LMF1: variants seen among roughly 807,000 people sequenced by gnomAD.
The protein encoded by LMF1 is lipase maturation factor 1, also known as transmembrane protein 112.
A neutral mutation model predicts 60.6 loss-of-function variants in LMF1; 68 were observed. The ratio of observed to expected loss-of-function variants is 1.12; its 90% CI spans 0.92 to 1.37. The LOEUF is 1.37. Ranked by LOEUF, LMF1 falls within the 40% of genes most tolerant of loss-of-function variation. The pLI is 0.00. For synonymous variants in LMF1, 418 were observed against 324.7 expected (o/e 1.29, Z -3.09); for missense variants, 948 against 767.2 (o/e 1.24, Z -2.78).
chr16:921,449 C>A (rs2071428494), intron 3 of LMF1, among the ~76,000 whole-genome samples: 1 of 152,096 alleles, frequency 6.6e-6, no homozygotes, highest in Non-Finnish European at 1.5e-5. Context: ...GGCACCGGCA[C>A]AAAGCCAAAC....
At chr16:950,800 A>G (rs2072436400) in intron 2 of LMF1, among the ~76,000 whole-genome samples, 1 of 124,944 alleles carries the variant, frequency 8.0e-6, no homozygotes. Context: ...CCAATGACAG[A>G]GTCAGACGAC....
chr16:861,984 A>C (rs2069479804), intron 10 of LMF1, among the ~76,000 whole-genome samples: 1 of 152,144 alleles, frequency 6.6e-6, no homozygotes, highest in Non-Finnish European at 1.5e-5. Flanking sequence ...TTAAATCATG[A>C]ATAGATGTTA....
Position 878,805 on chromosome 16 carries a change from C to T in LMF1, c.897+765G>A, listed in dbSNP as rs2151712722. On this transcript the variant is annotated intron_variant, in intron 6 of 10. Transcript: ENST00000262301. The surrounding 1 kb of genome is among the most constrained non-coding windows in gnomAD (Gnocchi z 5.2). The stretch of plus-strand genomic sequence containing the variant: ...TGGGACACCCAGGTACATCTGTTTT[C>T]CAGAGCACGTGGAACGCCACCTGGA... Among the ~76,000 whole-genome samples the T allele has an allele frequency of 6.6e-6, 1 of 152,136 alleles. No homozygotes were observed. The highest frequency in any genetic ancestry group is 2.4e-5 in the African/African-American group (1 of 41,430).
chr16:969,918 G>A (rs2073005417), intron 1 of LMF1, among the ~76,000 whole-genome samples: 1 of 152,222 alleles, frequency 6.6e-6, no homozygotes, highest in Non-Finnish European at 1.5e-5. Flanking sequence ...AGTTGGAATC[G>A]CCAGCTGCCC....
intron 6 of LMF1, among the ~76,000 whole-genome samples, chr16:876,517 T>C (rs921768838): frequency 6.6e-6 from 1 of 152,192 alleles, no homozygotes; most frequent in East Asian, 1.9e-4. Flanking sequence ...TCCTGGCCGA[T>C]GCAAGACGCT....
chr16:954,161 T>G lies in LMF1; in HGVS notation c.503+196A>C. 9.9e-6 allele frequency: 7 copies of G among 705,572 alleles called. No homozygotes were observed. In the South Asian group the frequency reaches 1.0e-4, roughly 11 times the overall value. The allele number at this position is 705,572 out of a possible 1,614,324, so 43.7% of individuals were successfully genotyped here. A position where few individuals can be genotyped will look rare whatever the true frequency, so the allele number is the denominator to read the frequency against. ...AAGAGCTACTGCAAAGAGGTGGGGTTTTAATCCTGAAGATGGGTGGCTGCT... is the reference window on the plus strand; with the variant it reads ...AAGAGCTACTGCAAAGAGGTGGGGTGTTAATCCTGAAGATGGGTGGCTGCT... On this transcript the variant is annotated intron_variant, in intron 2 of 10. Transcript: ENST00000262301.
At chr16:981,104 G>T in intron 1 of LMF1, 1 of 381,358 alleles carries the variant, frequency 2.6e-6, no homozygotes, top group South Asian at 1.8e-5. Context: ...GGCGGCCCGG[G>T]GTCCCCCAGC....
intron 6 of LMF1, among the ~76,000 whole-genome samples, chr16:876,025 G>A (rs1031826317): frequency 1.3e-5 from 2 of 152,218 alleles, no homozygotes; most frequent in African/African-American, 4.8e-5. Context: ...AGTGGGACCC[G>A]GGGCTGGCAC....
intron 2 of LMF1, among the ~76,000 whole-genome samples, chr16:952,210 C>T (rs2072490065): frequency 6.6e-6 from 1 of 152,160 alleles, no homozygotes; most frequent in Non-Finnish European, 1.5e-5. Flanking sequence ...TGAGGAAACA[C>T]CAGCAACTGG....
chr16:965,243 CT>C (rs2072900817), intron 1 of LMF1, among the ~76,000 whole-genome samples: 1 of 152,200 alleles, frequency 6.6e-6, no homozygotes, highest in African/African-American at 2.4e-5. Flanking sequence ...CATGGAGAGA[CT>C]TTCCCAGGTT....
Position 954,043 on chromosome 16 carries a change from A to G in LMF1, c.503+314T>C, listed in dbSNP as rs457429. ...GACACCCACCCCAAACCAGCCTCCT[A>G]CACGTCCACACAGACACAGACCCAC... On this transcript the variant is annotated intron_variant, in intron 2 of 10. Transcript: ENST00000262301. Among the ~76,000 whole-genome samples, 583 of 128,584 alleles carry G rather than the reference A, an allele frequency of 4.5e-3. 82 individuals carry two copies. The highest frequency in any genetic ancestry group is 7.4e-3 in the East Asian group (32 of 4,348). The allele number at this position is 128,584 out of a possible 152,430, so 84.4% of individuals were successfully genotyped here. A position where few individuals can be genotyped will look rare whatever the true frequency, so the allele number is the denominator to read the frequency against.
At chr16:973,844 C>T (rs1191994647), upstream of LMF1, among the ~76,000 whole-genome samples, 1 of 151,756 alleles carries the variant, frequency 6.6e-6, no homozygotes, top group African/African-American at 2.4e-5. Context: ...ACTAAAAATA[C>T]AACAACAACA....
At chr16:948,027 G>GCCA (rs2072290235) in intron 2 of LMF1, among the ~76,000 whole-genome samples, 1 of 150,688 alleles carries the variant, frequency 6.6e-6, no homozygotes, top group Non-Finnish European at 1.5e-5. Context: ...CAGAGTCAGA[G>GCCA]ACAACGACAG....
At chr16:978,980 A>G in intron 1 of LMF1, 1 of 453,944 alleles carries the variant, frequency 2.2e-6, no homozygotes, top group Non-Finnish European at 4.4e-6. Flanking sequence ...TTCCCAGACC[A>G]TCCTTCCTGA....
intron 6 of LMF1, among the ~76,000 whole-genome samples, chr16:877,355 C>T (rs1034748280): frequency 2.0e-4 from 30 of 152,218 alleles, no homozygotes; most frequent in Admixed American, 2.0e-4. Flanking sequence ...GCGTGTCCTA[C>T]GGCCCGCAAG....
intron 4 of LMF1, among the ~76,000 whole-genome samples, chr16:894,162 C>T (rs201951480): frequency 7.3e-6 from 1 of 137,804 alleles, no homozygotes; most frequent in Non-Finnish European, 1.5e-5. Flanking sequence ...GGACCGTCCG[C>T]CCACCCGTCC....
At chr16:885,116 G>A (rs760702056) in intron 5 of LMF1, 3 of 152,218 alleles carry the variant, frequency 2.0e-5, no homozygotes, top group Non-Finnish European at 2.9e-5. Flanking sequence ...ATACTGTTGG[G>A]AGAATATTGT....
At chr16:919,910 C>T (rs895356386) in intron 3 of LMF1, among the ~76,000 whole-genome samples, 1 of 152,182 alleles carries the variant, frequency 6.6e-6, no homozygotes, top group African/African-American at 2.4e-5. Flanking sequence ...CAGTCAGGCT[C>T]CTGCCCCCGG....
intron 4 of LMF1, among the ~76,000 whole-genome samples, chr16:907,218 G>A (rs377331771): frequency 5.3e-5 from 8 of 152,014 alleles, no homozygotes; most frequent in African/African-American, 9.7e-5. Flanking sequence ...CGGCTAACAC[G>A]GTGAAACCTA....
Sources: allele counts gnomAD v4.1 joint callset (sites outside exome capture counted in the v4.1 genomes callset), GRCh38; gene constraint gnomAD v4.1.1; non-coding constraint Gnocchi (gnomAD v3.1); transcripts MANE v1.5; gene names NCBI Gene and HGNC (gene_info 2026-07-23, HGNC 2026-07-21).